CELF2: variants seen among roughly 807,000 people sequenced by gnomAD.
The protein encoded by CELF2 is CUG triplet repeat RNA-binding protein 2.
CELF2 carries 8 observed loss-of-function variants against 62.6 expected under a neutral mutation model. The observed-to-expected ratio is 0.13, with a 90% CI of 0.07 to 0.23. The LOEUF is 0.23. CELF2 is among the 10% of genes least tolerant of loss of function. The pLI, the probability that CELF2 is intolerant of heterozygous loss-of-function variation, is 1.00. For synonymous variants in CELF2, 258 were observed against 250.0 expected, an observed-to-expected ratio of 1.03 and a Z score of -0.30; for missense variants, 333 against 671.0, an observed-to-expected ratio of 0.50 and a Z score of 5.56.
At chr10:10,631,588 A>T in the CELF2 span, among the ~76,000 whole-genome samples, 1 of 152,194 alleles carries the variant, frequency 6.6e-6, no homozygotes, top group Admixed American at 6.5e-5. Context: ...ATAAAACCTT[A>T]CTGTATGTGA....
chr10:11,212,907 A>G (rs1191946906), intron 2 of CELF2, among the ~76,000 whole-genome samples: 1 of 152,190 alleles, frequency 6.6e-6, no homozygotes, highest in Non-Finnish European at 1.5e-5. Context: ...ATGAGTAGAT[A>G]AGCAGTGGCA....
chr10:11,254,012 G>A (rs2077945901), intron 4 of CELF2, among the ~76,000 whole-genome samples: 1 of 152,066 alleles, frequency 6.6e-6, no homozygotes, highest in African/African-American at 2.4e-5. Flanking sequence ...TTTCCTGTAG[G>A]TTGAAAAAAT....
At chr10:10,491,411 C>T in the CELF2 span, among the ~76,000 whole-genome samples, 6 of 152,098 alleles carry the variant, frequency 3.9e-5, no homozygotes, top group African/African-American at 9.7e-5. Flanking sequence ...TCATTTGGTG[C>T]TCTTTGCCTC....
At chr10:10,723,853 C>T in the CELF2 span, among the ~76,000 whole-genome samples, 2 of 152,094 alleles carry the variant, frequency 1.3e-5, no homozygotes, top group Non-Finnish European at 2.9e-5. Context: ...CATTCTTCGC[C>T]TCTTGGAGGT....
chr10:11,192,490 A>G (rs898218453), intron 2 of CELF2, among the ~76,000 whole-genome samples: 2 of 152,234 alleles, frequency 1.3e-5, no homozygotes, highest in Admixed American at 6.5e-5. Context: ...TCAGCTGCTA[A>G]CATGGAAGGA....
chr10:10,533,631 G>A, the CELF2 span, among the ~76,000 whole-genome samples: 1 of 152,162 alleles, frequency 6.6e-6, no homozygotes, highest in South Asian at 2.1e-4. Context: ...TATGCCCTTG[G>A]GCGAATGGCT....
At chr10:10,755,996 TG>T in the CELF2 span, among the ~76,000 whole-genome samples, 1 of 152,224 alleles carries the variant, frequency 6.6e-6, no homozygotes, top group Non-Finnish European at 1.5e-5. Flanking sequence ...AAATATAAAA[TG>T]CTGCCTGGTC....
the CELF2 span, among the ~76,000 whole-genome samples, chr10:10,730,881 C>T: frequency 6.6e-6 from 1 of 152,184 alleles, no homozygotes; most frequent in Non-Finnish European, 1.5e-5. Context: ...GCCTCACTTC[C>T]AGGCTGATCA....
chr10:10,890,345 G>A (rs916913244), intron 1 of CELF2, among the ~76,000 whole-genome samples: 1 of 152,156 alleles, frequency 6.6e-6, no homozygotes, highest in Non-Finnish European at 1.5e-5. Context: ...TGAGAATTAA[G>A]GATGTGGGAA....
chr10:10,869,345 C>G (rs1166395529), intron 1 of CELF2, among the ~76,000 whole-genome samples: 3 of 152,092 alleles, frequency 2.0e-5, no homozygotes, highest in Non-Finnish European at 2.9e-5. Context: ...GGGCAGATCA[C>G]AAGGTCAGGA....
At chr10:10,634,898 C>T in the CELF2 span, among the ~76,000 whole-genome samples, 10 of 152,078 alleles carry the variant, frequency 6.6e-5, no homozygotes, top group Non-Finnish European at 1.3e-4. Flanking sequence ...CATTTCTTAC[C>T]AGCCAAAGTC....
intron 2 of CELF2, among the ~76,000 whole-genome samples, chr10:10,961,915 T>C (rs1017037056): frequency 5.9e-5 from 9 of 151,722 alleles, no homozygotes; most frequent in Non-Finnish European, 8.8e-5. Context: ...ACCAAAAAAC[T>C]AATCTCAAAT....
chr10:10,556,824 A>C, the CELF2 span, among the ~76,000 whole-genome samples: 1 of 151,704 alleles, frequency 6.6e-6, no homozygotes, highest in African/African-American at 2.4e-5. Flanking sequence ...GGCTGCATAA[A>C]TGTCTTCTTT....
intron 2 of CELF2, among the ~76,000 whole-genome samples, chr10:10,967,135 G>A (rs1032926240): frequency 1.3e-5 from 2 of 152,182 alleles, no homozygotes; most frequent in African/African-American, 4.8e-5. Context: ...GGTGTTTATG[G>A]ACAGAAAAAG....
At chr10:11,162,357 A>C (rs1359364163) in intron 1 of CELF2, among the ~76,000 whole-genome samples, 1 of 152,222 alleles carries the variant, frequency 6.6e-6, no homozygotes, top group Non-Finnish European at 1.5e-5. Context: ...GGGGGTGGTG[A>C]TATTTCAACT....
intron 1 of CELF2, among the ~76,000 whole-genome samples, chr10:11,028,512 T>A (rs2059605449): frequency 6.6e-6 from 1 of 151,076 alleles, no homozygotes; most frequent in Admixed American, 6.6e-5. Flanking sequence ...CTCTGCCTCC[T>A]GGGTTCAAGT....
At chr10:10,657,641 T>A in the CELF2 span, among the ~76,000 whole-genome samples, 1,128 of 152,246 alleles carry the variant, frequency 7.4e-3, 8 homozygotes, top group South Asian at 0.013. Context: ...AAAGTTTAAG[T>A]ATATACCAAA....
At chr10:11,069,955 G>GAGCA (rs745858647) in intron 1 of CELF2, among the ~76,000 whole-genome samples, 8 of 152,218 alleles carry the variant, frequency 5.3e-5, no homozygotes, top group Non-Finnish European at 1.0e-4. Flanking sequence ...GACAGTCGAA[G>GAGCA]AGCAGTTAGT....
At chr10:10,715,164 T>A in the CELF2 span, among the ~76,000 whole-genome samples, 8 of 152,212 alleles carry the variant, frequency 5.3e-5, no homozygotes, top group Non-Finnish European at 1.2e-4. Flanking sequence ...AAGAACTTCA[T>A]GGATCATTTT....
Sources: allele counts gnomAD v4.1 joint callset (sites outside exome capture counted in the v4.1 genomes callset), GRCh38; gene constraint gnomAD v4.1.1; transcripts MANE v1.5; gene names NCBI Gene and HGNC (gene_info 2026-07-23, HGNC 2026-07-21).